The following SNX30 variants were observed in gnomAD, a reference collection of about 807,000 sequenced individuals.
SNX30 encodes the protein sorting nexin-30.
Under a neutral mutation model 46.4 loss-of-function variants are expected in SNX30, and 24 were observed. The observed-to-expected ratio is 0.52, with a 90% CI of 0.37 to 0.73. The LOEUF (loss-of-function observed/expected upper bound fraction) is 0.73. SNX30 is among the 30% of genes least tolerant of loss of function. SNX30 has a pLI of 0.00. For synonymous variants in SNX30, 189 were observed against 211.5 expected (o/e 0.89, Z 0.92); for missense variants, 533 against 555.7 (o/e 0.96, Z 0.41).
intron 2 of SNX30, among the ~76,000 whole-genome samples, chr9:112,808,879 T>A (rs2131408359): frequency 6.6e-6 from 1 of 152,342 alleles, no homozygotes; most frequent in East Asian, 1.9e-4. Flanking sequence ...TGCTAAATGC[T>A]TTACGTATAT....
At position 112,817,478 on chromosome 9, in the gene SNX30, A is replaced by G. The variant is rs186187236; in HGVS notation, c.349-227A>G. The stretch of plus-strand genomic sequence containing the variant: ...ACCCAGGCTGGAGTGCAGTGGTGCA[A>G]TCTCGGAAAACTGGCATTTTTATTC... On this transcript the variant is annotated intron_variant, in intron 2 of 8. Coordinates refer to ENST00000374232, the MANE Select transcript of SNX30 (RefSeq NM_001012994.2). Among the ~76,000 whole-genome samples the G allele has an allele frequency of 1.1e-4, 15 of 130,696 alleles. No homozygotes were observed. In the East Asian group the frequency reaches 1.8e-3, roughly 15 times the overall value. 85.7% of individuals were successfully genotyped at this position (130,696 alleles called of 152,430 possible). A position where few individuals can be genotyped will look rare whatever the true frequency, so the allele number is the denominator to read the frequency against.
Position 112,804,768 on chromosome 9 carries a change from T to A in SNX30, c.157-8T>A. 6.3e-7 allele frequency: 1 copy of A among 1,594,686 alleles called. No individual in the cohort carries two copies. Among genetic ancestry groups the A allele is most frequent in the Non-Finnish European group, 8.5e-7 (1 of 1,169,956 alleles). On this transcript the variant is annotated splice_polypyrimidine_tract_variant and splice_region_variant and intron_variant, in intron 1 of 8. Transcript: ENST00000374232. ...ATTTAATTTTAAGGTGCTCTTTTCT[T>A]CTTTTAGGATCTCATTTTGCCCAAC...
chr9:112,825,634 T>C (rs1226888971), intron 3 of SNX30, among the ~76,000 whole-genome samples: 2 of 152,062 alleles, frequency 1.3e-5, no homozygotes, highest in African/African-American at 2.4e-5. Flanking sequence ...CTAAACGTTA[T>C]ATAGACATTC....
At chr9:112,837,753 G>T (rs1840781628) in intron 5 of SNX30, among the ~76,000 whole-genome samples, 1 of 151,708 alleles carries the variant, frequency 6.6e-6, no homozygotes. Context: ...GGGATTACAG[G>T]TGTGAGCCAC....
intron 3 of SNX30, among the ~76,000 whole-genome samples, chr9:112,820,958 T>C (rs1404918152): frequency 6.6e-6 from 1 of 152,244 alleles, no homozygotes; most frequent in Non-Finnish European, 1.5e-5. Context: ...GTTTCACCTT[T>C]TGGCTATTAT....
intron 2 of SNX30, among the ~76,000 whole-genome samples, chr9:112,817,304 G>A (rs1306693537): frequency 1.4e-5 from 2 of 141,424 alleles, no homozygotes; most frequent in East Asian, 2.4e-4. Flanking sequence ...GAAATTGTTA[G>A]AGTTAAGCTT....
At position 112,838,576 on chromosome 9, in the gene SNX30, T is replaced by A. The variant is rs1354814217; in HGVS notation, c.893T>A (p.Leu298Gln). 6.2e-7 allele frequency: 1 copy of A among 1,614,074 alleles called. No homozygotes were observed. The highest frequency in any genetic ancestry group is 8.5e-7 in the Non-Finnish European group (1 of 1,180,018). The change falls in exon 6 of 9, where the codon CTG becomes CAG. Residue 298 changes from leucine (L) to glutamine (Q), a missense_variant. Physicochemically the swap from Leu to Gln is moderately radical, Grantham distance 113 (BLOSUM62 -2). Transcript: ENST00000374232. ...SALEGELAEPLEGVSACIGNC... is the reference protein window; with the variant it reads ...SALEGELAEPQEGVSACIGNC... ...TTGGAGGGTGAGCTGGCTGAACCCC[T>A]GGAGGGTGTGTCAGCTTGCATTGGG...
intron 8 of SNX30, among the ~76,000 whole-genome samples, chr9:112,868,141 G>A (rs1841389850): frequency 6.6e-6 from 1 of 152,220 alleles, no homozygotes; most frequent in Admixed American, 6.5e-5. Context: ...CAGTGTGTAT[G>A]TGTCGAGTAA....
At chr9:112,823,053 C>CT (rs1485405383) in intron 3 of SNX30, among the ~76,000 whole-genome samples, 3 of 152,130 alleles carry the variant, frequency 2.0e-5, no homozygotes, top group Non-Finnish European at 4.4e-5. Context: ...CTAAATTTTA[C>CT]TATAGGTATG....
intron 1 of SNX30, among the ~76,000 whole-genome samples, chr9:112,758,091 C>G (rs1839379182): frequency 1.3e-5 from 2 of 152,156 alleles, no homozygotes; most frequent in African/African-American, 4.8e-5. Context: ...AAGATGGAAG[C>G]CACCAGAAAG....
intron 6 of SNX30, among the ~76,000 whole-genome samples, chr9:112,850,150 C>T (rs1467337387): frequency 6.6e-6 from 1 of 152,226 alleles, no homozygotes; most frequent in Admixed American, 6.5e-5. Flanking sequence ...CCTAGCTTGC[C>T]TCACTCCTGT....
intron 4 of SNX30, among the ~76,000 whole-genome samples, chr9:112,835,369 G>A (rs1308331233): frequency 2.6e-5 from 4 of 152,070 alleles, no homozygotes; most frequent in East Asian, 1.9e-4. Context: ...GAAGTGGCAC[G>A]ATCTCAATTC....
At chr9:112,840,428 C>G (rs1840836852) in intron 6 of SNX30, among the ~76,000 whole-genome samples, 1 of 152,230 alleles carries the variant, frequency 6.6e-6, no homozygotes, top group African/African-American at 2.4e-5. Flanking sequence ...GACATGCTGA[C>G]TTTCTTAAAA....
chr9:112,765,969 G>A (rs945256110), intron 1 of SNX30, among the ~76,000 whole-genome samples: 13 of 151,950 alleles, frequency 8.6e-5, no homozygotes, highest in African/African-American at 2.9e-4. Flanking sequence ...ATGTCTGGCT[G>A]ATTTTTGTAT....
chr9:112,778,489 C>T (rs949788564), intron 1 of SNX30, among the ~76,000 whole-genome samples: 4 of 152,064 alleles, frequency 2.6e-5, no homozygotes, highest in Admixed American at 1.3e-4. Context: ...CCAGGCTGGT[C>T]GCGAACTCCT....
Position 112,832,459 on chromosome 9 carries a change from A to AGT in SNX30, c.618+1612_618+1613dup, listed in dbSNP as rs34515014. On this transcript the variant is annotated intron_variant, in intron 4 of 8. Coordinates refer to ENST00000374232, the MANE Select transcript of SNX30 (RefSeq NM_001012994.2). ...GAGAGAGAGAGAGAGAGAGAGAGAGAGTGTGTGTGTGTGTGTGTGTGTGTG... is the reference window on the plus strand; with the variant it reads ...GAGAGAGAGAGAGAGAGAGAGAGAGAGTGTGTGTGTGTGTGTGTGTGTGTGTG... 1.4e-3 allele frequency among the ~76,000 whole-genome samples: 156 copies of AGT among 111,280 alleles called. 2 individuals are homozygous for AGT. The highest frequency in any genetic ancestry group is 8.5e-3 in the Middle Eastern group (2 of 236). The allele number at this position is 111,280 out of a possible 152,430, so 73.0% of individuals were successfully genotyped here.
intron 6 of SNX30, among the ~76,000 whole-genome samples, chr9:112,844,680 A>G (rs1337342982): frequency 6.6e-6 from 1 of 152,252 alleles, no homozygotes; most frequent in Non-Finnish European, 1.5e-5. Flanking sequence ...AATAATATAG[A>G]CATCGTTGGT....
intron 7 of SNX30, among the ~76,000 whole-genome samples, chr9:112,856,215 G>A (rs1465428777): frequency 6.6e-6 from 1 of 152,034 alleles, no homozygotes; most frequent in Non-Finnish European, 1.5e-5. Flanking sequence ...CATCCTGGGT[G>A]GGTGCCAGAT....
At chr9:112,795,186 G>GTGTA (rs1488004994) in intron 1 of SNX30, among the ~76,000 whole-genome samples, 2 of 152,292 alleles carry the variant, frequency 1.3e-5, no homozygotes, top group Admixed American at 1.3e-4. Context: ...CTGTGTGTGT[G>GTGTA]TGTATGAGAG....
Sources: gnomAD v4.1 joint callset for allele counts (sites outside exome capture counted in the v4.1 genomes callset) on GRCh38, gnomAD v4.1.1 for gene constraint, MANE v1.5 for transcripts, NCBI Gene and HGNC (gene_info 2026-07-23, HGNC 2026-07-21) for gene names.